The following CABIN1 variants were observed in gnomAD, a reference collection of about 807,000 sequenced individuals.
The protein encoded by CABIN1 is calcineurin binding protein 1, also known as calcineurin-binding protein cabin-1.
CABIN1 carries 133 observed loss-of-function variants against 227.7 expected under a neutral mutation model. That is an observed-to-expected ratio of 0.58 (90% CI 0.51 to 0.67). The LOEUF (loss-of-function observed/expected upper bound fraction) is 0.67. CABIN1 is among the 30% of genes least tolerant of loss of function. CABIN1 has a pLI of 0.00. For synonymous variants in CABIN1, 1,086 were observed against 1,155.1 expected, an observed-to-expected ratio of 0.94 and a Z score of 1.21; for missense variants, 2,408 against 2,852.5, an observed-to-expected ratio of 0.84 and a Z score of 3.55.
At chr22:24,133,425 G>C (rs190588558) in intron 28 of CABIN1, among the ~76,000 whole-genome samples, 1 of 152,214 alleles carries the variant, frequency 6.6e-6, no homozygotes, top group Non-Finnish European at 1.5e-5. Context: ...GAGGGCTTTC[G>C]GAGCAGCTGG....
intron 11 of CABIN1, among the ~76,000 whole-genome samples, chr22:24,059,584 G>T (rs183913488): frequency 9.5e-4 from 144 of 152,310 alleles, no homozygotes; most frequent in South Asian, 6.0e-3. Flanking sequence ...CAAATTCAGA[G>T]ACTTCGCTTT....
At chr22:24,128,221 G>T (rs868438957) in intron 28 of CABIN1, among the ~76,000 whole-genome samples, 1 of 136,342 alleles carries the variant, frequency 7.3e-6, no homozygotes, top group South Asian at 2.4e-4. Flanking sequence ...TGCAAATGTG[G>T]TTCTGCTTTT....
chr22:24,066,187 G>C (rs1448799106), intron 15 of CABIN1, among the ~76,000 whole-genome samples: 2 of 152,244 alleles, frequency 1.3e-5, no homozygotes, highest in Non-Finnish European at 2.9e-5. Context: ...CTGTTGGGAA[G>C]ACAGGAGAGG....
intron 22 of CABIN1, among the ~76,000 whole-genome samples, chr22:24,085,824 G>A (rs934714732): frequency 6.6e-6 from 1 of 152,174 alleles, no homozygotes; most frequent in African/African-American, 2.4e-5. Flanking sequence ...AGCCTTGGGT[G>A]AAGGTCAAAA....
intron 7 of CABIN1, 129 bp downstream of exon 7, chr22:24,049,349 C>A: frequency 8.9e-7 from 1 of 1,128,940 alleles, no homozygotes; most frequent in Non-Finnish European, 1.3e-6. Flanking sequence ...TCATGCCCTG[C>A]CGCAGCCCCT....
chr22:24,173,430 T>A (rs928533987), intron 34 of CABIN1: 6 of 152,240 alleles, frequency 3.9e-5, no homozygotes, highest in African/African-American at 1.4e-4. Flanking sequence ...CAGCCTCGGT[T>A]GCACTGGTCG....
At chr22:24,055,519 T>G (rs1254211067) in intron 9 of CABIN1, among the ~76,000 whole-genome samples, 2 of 152,212 alleles carry the variant, frequency 1.3e-5, no homozygotes, top group East Asian at 3.8e-4. Context: ...CCTCTTCTGG[T>G]CCTGCTCTCT....
At chr22:24,046,510 A>T (rs1277160838) in intron 6 of CABIN1, among the ~76,000 whole-genome samples, 1 of 152,120 alleles carries the variant, frequency 6.6e-6, no homozygotes, top group Non-Finnish European at 1.5e-5. Flanking sequence ...TTTGGGGTTC[A>T]GCCTTCCTTC....
At chr22:24,083,191 G>A (rs55845256) in intron 19 of CABIN1, 37 bp from the exon 20 acceptor site, 61 of 1,609,546 alleles carry the variant, frequency 3.8e-5, no homozygotes, top group Non-Finnish European at 4.9e-5. Flanking sequence ...AGTGGCTACA[G>A]GCCCTCACCT....
At chr22:24,038,148 A>G (rs2037068473) in intron 3 of CABIN1, among the ~76,000 whole-genome samples, 200 bp from the exon 4 acceptor site, 1 of 152,140 alleles carries the variant, frequency 6.6e-6, no homozygotes, top group Admixed American at 6.5e-5. Context: ...CATAGGCATG[A>G]TTGATTAAAT....
intron 27 of CABIN1, among the ~76,000 whole-genome samples, chr22:24,118,411 C>T (rs2043205966): frequency 6.6e-6 from 1 of 152,098 alleles, no homozygotes; most frequent in South Asian, 2.1e-4. Flanking sequence ...GAACTGGGGG[C>T]CTTGGTTGTT....
At chr22:24,031,181 G>A (rs1032543261) in intron 1 of CABIN1, among the ~76,000 whole-genome samples, 1 of 152,194 alleles carries the variant, frequency 6.6e-6, no homozygotes, top group Non-Finnish European at 1.5e-5. Context: ...GACTTGCCAT[G>A]ACTTAGAGCT....
At chr22:24,012,151 T>G (rs1477826805) in intron 1 of CABIN1, among the ~76,000 whole-genome samples, 2 of 152,214 alleles carry the variant, frequency 1.3e-5, no homozygotes, top group Non-Finnish European at 2.9e-5. Context: ...GTATTCATAA[T>G]AGTAGTTTAG....
At chr22:24,074,017 AT>A (rs200734549) in intron 18 of CABIN1, among the ~76,000 whole-genome samples, 150,024 of 151,282 alleles carry the variant, frequency 0.99, 74,386 homozygotes, top group East Asian at 1. Context: ...CTTGTACCCA[AT>A]TTTTTTTTTA....
intron 11 of CABIN1, among the ~76,000 whole-genome samples, 155 bp from the exon 12 acceptor site, chr22:24,059,769 C>A (rs2039055462): frequency 6.6e-6 from 1 of 152,138 alleles, no homozygotes; most frequent in Admixed American, 6.5e-5. Flanking sequence ...GCATTGAACC[C>A]AGTAGCCTGA....
intron 18 of CABIN1, among the ~76,000 whole-genome samples, chr22:24,074,745 T>G (rs1231063833): frequency 6.6e-6 from 1 of 152,186 alleles, no homozygotes; most frequent in Non-Finnish European, 1.5e-5. Context: ...GGAAGCAGAA[T>G]TGGGCTTTTG....
intron 33 of CABIN1, among the ~76,000 whole-genome samples, chr22:24,170,525 G>GCC (rs1362173474): frequency 2.0e-5 from 3 of 152,124 alleles, no homozygotes; most frequent in Non-Finnish European, 4.4e-5. Context: ...ATTGCCGCAG[G>GCC]CCCGCAGGGC....
intron 34 of CABIN1, among the ~76,000 whole-genome samples, chr22:24,173,966 G>A (rs1035498442): frequency 7.3e-5 from 11 of 151,446 alleles, no homozygotes; most frequent in South Asian, 2.1e-4. Context: ...GCTGCTTGGC[G>A]TTAAGCAGAG....
intron 2 of CABIN1, 119 bp downstream of exon 2, chr22:24,035,639 TCCCA>T: frequency 7.6e-7 from 1 of 1,311,236 alleles, no homozygotes; most frequent in Non-Finnish European, 1.1e-6. Context: ...GTAGCCTTCC[TCCCA>T]GGAAGGCTGT....
Sources: gnomAD v4.1 joint callset for allele counts (sites outside exome capture counted in the v4.1 genomes callset) on GRCh38, gnomAD v4.1.1 for gene constraint, MANE v1.5 for transcripts, NCBI Gene and HGNC (gene_info 2026-07-23, HGNC 2026-07-21) for gene names.